Variants in FNDC3A observed in about 807,000 individuals in gnomAD.
FNDC3A encodes fibronectin type III domain containing 3A.
FNDC3A carries 32 observed loss-of-function variants against 148.9 expected under a neutral mutation model. The observed-to-expected ratio is 0.21, with a 90% CI of 0.16 to 0.29. FNDC3A has a LOEUF of 0.29. Ranked by LOEUF, FNDC3A falls within the 10% of genes least tolerant of loss-of-function variation. The pLI, the probability that FNDC3A is intolerant of heterozygous loss-of-function variation, is 1.00. For missense variants in FNDC3A, 1,191 were observed against 1,452.8 expected (o/e 0.82, Z 2.93); for synonymous variants, 472 against 473.6 (o/e 1.00, Z 0.04).
chr13:49,102,652 G>C (rs1015961387), intron 3 of FNDC3A, among the ~76,000 whole-genome samples: 1 of 152,130 alleles, frequency 6.6e-6, no homozygotes, highest in African/African-American at 2.4e-5. Context: ...CAGGATGCTT[G>C]TATTTTTTGT....
intron 25 of FNDC3A, 61 bp from the exon 26 acceptor site, chr13:49,207,020 T>C: frequency 8.0e-7 from 1 of 1,252,134 alleles, no homozygotes; most frequent in Non-Finnish European, 1.1e-6. Flanking sequence ...ACTAGCCAGT[T>C]TTAACACATT....
At chr13:49,155,337 T>C (rs1232086391) in intron 8 of FNDC3A, among the ~76,000 whole-genome samples, 7 of 151,814 alleles carry the variant, frequency 4.6e-5, no homozygotes, top group Non-Finnish European at 8.8e-5. Flanking sequence ...TGATGGTAGT[T>C]TGTATTTCTG....
chr13:48,989,597 A>G (rs1166508592), intron 1 of FNDC3A, among the ~76,000 whole-genome samples: 1 of 152,240 alleles, frequency 6.6e-6, no homozygotes, highest in East Asian at 1.9e-4. Context: ...AGCACAGAAG[A>G]AAATAGAATT....
At chr13:49,017,140 C>G (rs905665917) in intron 2 of FNDC3A, among the ~76,000 whole-genome samples, 1 of 152,036 alleles carries the variant, frequency 6.6e-6, no homozygotes, top group Non-Finnish European at 1.5e-5. Context: ...GAGCTGAGTT[C>G]AATTCCTGGG....
chr13:49,200,867 T>C (rs1315166542), intron 23 of FNDC3A, among the ~76,000 whole-genome samples: 1 of 152,050 alleles, frequency 6.6e-6, no homozygotes, highest in Non-Finnish European at 1.5e-5. Flanking sequence ...TGGGATGGTA[T>C]CATAATGATA....
intron 8 of FNDC3A, among the ~76,000 whole-genome samples, chr13:49,161,365 T>A (rs559598655): frequency 2.6e-5 from 4 of 152,342 alleles, no homozygotes; most frequent in Admixed American, 1.3e-4. Context: ...TGTAATGGCC[T>A]TGTCTCTTGA....
chr13:49,190,753 T>C (rs917549560), intron 17 of FNDC3A, among the ~76,000 whole-genome samples: 1 of 152,228 alleles, frequency 6.6e-6, no homozygotes, highest in African/African-American at 2.4e-5. Context: ...AAGGAAGGGT[T>C]CATTGAAGTT....
At chr13:49,120,659 A>C (rs985536513) in intron 4 of FNDC3A, among the ~76,000 whole-genome samples, 2 of 151,718 alleles carry the variant, frequency 1.3e-5, no homozygotes, top group African/African-American at 2.4e-5. Flanking sequence ...TACCAAGCAA[A>C]TGGAAAGCAA....
chr13:49,150,154 G>C (rs1593662639), intron 8 of FNDC3A, among the ~76,000 whole-genome samples: 1 of 152,040 alleles, frequency 6.6e-6, no homozygotes, highest in African/African-American at 2.4e-5. Context: ...GCCTAAGCTG[G>C]ACTCAAACTC....
intron 1 of FNDC3A, among the ~76,000 whole-genome samples, chr13:49,005,073 C>T (rs1295902739): frequency 1.3e-5 from 2 of 151,706 alleles, no homozygotes; most frequent in South Asian, 4.2e-4. Flanking sequence ...TATAAAATGG[C>T]TCATTTTACA....
intron 3 of FNDC3A, among the ~76,000 whole-genome samples, chr13:49,101,097 A>G (rs1187719944): frequency 6.6e-6 from 1 of 152,178 alleles, no homozygotes; most frequent in Non-Finnish European, 1.5e-5. Flanking sequence ...AGTTAAAAGG[A>G]GAAGAAACAA....
intron 2 of FNDC3A, among the ~76,000 whole-genome samples, chr13:49,025,932 T>C (rs1479507720): frequency 1.3e-5 from 2 of 152,224 alleles, no homozygotes; most frequent in Non-Finnish European, 2.9e-5. Flanking sequence ...TAAATATTTC[T>C]CTTACAGAAA....
At chr13:49,036,141 T>C (rs138840812) in intron 2 of FNDC3A, among the ~76,000 whole-genome samples, 2,848 of 152,226 alleles carry the variant, frequency 0.019, 93 homozygotes, top group African/African-American at 0.064. Context: ...CTCAGGAAAC[T>C]CAGATAATTA....
At chr13:49,078,930 A>G (rs1440800058) in intron 3 of FNDC3A, among the ~76,000 whole-genome samples, 2 of 152,244 alleles carry the variant, frequency 1.3e-5, no homozygotes, top group Admixed American at 1.3e-4. Flanking sequence ...CAGCCACTAT[A>G]CTAATAAAAT....
chr13:49,161,842 T>C (rs1566296464), intron 8 of FNDC3A, among the ~76,000 whole-genome samples: 1 of 152,184 alleles, frequency 6.6e-6, no homozygotes, highest in Non-Finnish European at 1.5e-5. Flanking sequence ...AATTTGTCTG[T>C]AAAGGATTTT....
At position 49,168,710 on chromosome 13, in the gene FNDC3A, A is replaced by G. The variant is rs549165591; in HGVS notation, c.1135A>G (p.Ile379Val). Residue 379 changes from isoleucine (I) to valine (V), a missense_variant, in exon 10 of 26, where the codon ATA (isoleucine) becomes GTA (valine). Coordinates refer to ENST00000492622, the MANE Select transcript of FNDC3A (RefSeq NM_001079673.2). ...ACCTGATATACCTAATCCACCAAGG[A>G]TAGCCAATCGGACCAAAAATTCACT... is the stretch of plus-strand genomic sequence containing the variant. ...CEPDIPNPPR[I>V]ANRTKNSLTL... The G allele has an allele frequency of 1.9e-6, 3 of 1,613,662 alleles. No individual in the cohort carries two copies. Among genetic ancestry groups the G allele is most frequent in the African/African-American group, 2.7e-5 (2 of 74,924 alleles).
chr13:49,017,732 G>T (rs1243296583), intron 2 of FNDC3A, among the ~76,000 whole-genome samples: 1 of 152,018 alleles, frequency 6.6e-6, no homozygotes, highest in Non-Finnish European at 1.5e-5. Context: ...TTTTGCAGCA[G>T]CTGGTCCTGG....
In FNDC3A at chr13:49,090,883, A is replaced by G. The variant is rs146640322; in HGVS notation, c.175+15519A>G. On this transcript the variant is annotated intron_variant, in intron 3 of 25. Coordinates refer to ENST00000492622, the MANE Select transcript of FNDC3A (RefSeq NM_001079673.2). ...GTGGTGTATGCCTGTAGTCCCAGCT[A>G]CTCGGAAGGCTGAGGCAGCAGGATT... Among the ~76,000 whole-genome samples the G allele has an allele frequency of 5.4e-4, 82 of 152,144 alleles. 1 individual carries two copies. The highest frequency in any genetic ancestry group is 1.9e-3 in the African/African-American group (80 of 41,502).
chr13:49,010,610 A>G (rs1952320327), intron 2 of FNDC3A, among the ~76,000 whole-genome samples: 1 of 152,228 alleles, frequency 6.6e-6, no homozygotes. Context: ...AGTATAACAT[A>G]TATTTATAGA....
Sources: allele counts gnomAD v4.1 joint callset (sites outside exome capture counted in the v4.1 genomes callset), GRCh38; gene constraint gnomAD v4.1.1; transcripts MANE v1.5; gene names NCBI Gene and HGNC (gene_info 2026-07-23, HGNC 2026-07-21).